L3MBTL2: variants seen among roughly 807,000 people sequenced by gnomAD.
The protein encoded by L3MBTL2 is lethal(3)malignant brain tumor-like protein 2.
In L3MBTL2, 49 loss-of-function variants were observed where a neutral mutation model predicts 86.4. The observed-to-expected ratio is 0.57, with a 90% CI of 0.45 to 0.72. The LOEUF (loss-of-function observed/expected upper bound fraction) is 0.72. Among genes scored for constraint, L3MBTL2 ranks in the 30% least tolerant of loss-of-function variants. The pLI is 0.00. For missense variants in L3MBTL2, 755 were observed against 923.7 expected (o/e 0.82, Z 2.37); for synonymous variants, 336 against 350.6 (o/e 0.96, Z 0.47).
intron 13 of L3MBTL2, among the ~76,000 whole-genome samples, 158 bp downstream of exon 13, chr22:41,226,902 C>T (rs1386944878): frequency 6.6e-6 from 1 of 152,258 alleles, no homozygotes; most frequent in African/African-American, 2.4e-5. Flanking sequence ...CTGGGCACTC[C>T]AGTCCCTCTT....
At chr22:41,216,041 A>T (rs571657118) in intron 3 of L3MBTL2, 98 bp from the exon 4 acceptor site, 1 of 1,348,458 alleles carries the variant, frequency 7.4e-7, no homozygotes, top group Admixed American at 2.4e-5. Flanking sequence ...AAAGAGGTTA[A>T]GTCACTGGCC....
At position 41,227,783 on chromosome 22, in the gene L3MBTL2, A is replaced by G. The variant is rs201317743; in HGVS notation, c.1823-21A>G. ...CAGGGACCCTCTTCTCATCTCTTTC[A>G]CCCTTGTCTTTCAACAACAGAACCG... On this transcript the variant is annotated intron_variant, in intron 14 of 16. Coordinates refer to ENST00000216237, the MANE Select transcript of L3MBTL2 (RefSeq NM_031488.5). This position sits in a 1 kb window ranked among gnomAD's most constrained non-coding sequence, Gnocchi z 6.0. The G allele has an allele frequency of 3.1e-6, 5 of 1,609,948 alleles. No individual in the cohort carries two copies. The highest frequency in any genetic ancestry group is 4.2e-6 in the Non-Finnish European group (5 of 1,178,498).
At chr22:41,212,895 CA>C (rs35911149) in intron 2 of L3MBTL2, among the ~76,000 whole-genome samples, 59,313 of 135,220 alleles carry the variant, frequency 0.44, 12,642 homozygotes, top group African/African-American at 0.57. Context: ...AACTCCATCT[CA>C]AAAAAAAAAA....
At chr22:41,216,023 G>T in intron 3 of L3MBTL2, 116 bp from the exon 4 acceptor site, 1 of 1,164,470 alleles carries the variant, frequency 8.6e-7, no homozygotes. Flanking sequence ...TGAAGAAACT[G>T]AAGCCCAAAA....
Position 41,219,421 on chromosome 22 carries a change from C to G in L3MBTL2, c.603C>G (p.Val201=), listed in dbSNP as rs2031654908. The change falls in exon 6 of 17, where the codon GTC becomes GTG. Residue 201 remains valine (V), a splice_region_variant and synonymous_variant. Coordinates refer to ENST00000216237, the MANE Select transcript of L3MBTL2 (RefSeq NM_031488.5). ...GGTACACTCTCATCGCCACACAGGT[C>G]CCACTCTATGACCAGTGGGAGGATG... ...KAAPVSCFKH[V]PLYDQWEDVM... 1 of 1,610,008 alleles carries G rather than the reference C, an allele frequency of 6.2e-7. No homozygotes were observed. Among genetic ancestry groups the G allele is most frequent in the South Asian group, 1.1e-5 (1 of 90,966 alleles).
chr22:41,216,486 A>G (rs1187485454), intron 4 of L3MBTL2, among the ~76,000 whole-genome samples: 1 of 152,184 alleles, frequency 6.6e-6, no homozygotes, highest in African/African-American at 2.4e-5. Context: ...CCTACCCATG[A>G]TAATTCAAAA....
Position 41,207,467 on chromosome 22 carries a change from C to T in L3MBTL2, c.24+2081C>T, listed in dbSNP as rs190943250. ...TGAACTCCTAGGCTCAAGCAATCCT[C>T]CTGTCTCGGCCTCCCAAAGTGCTGG... On this transcript the variant is annotated intron_variant, in intron 1 of 16. Transcript: ENST00000216237. 4.6e-5 allele frequency among the ~76,000 whole-genome samples: 7 copies of T among 152,108 alleles called. No homozygotes were observed. The East Asian group carries it at 7.7e-4, about 17-fold the overall frequency.
Position 41,217,185 on chromosome 22 carries a change from G to T in L3MBTL2, c.583G>T (p.Val195Phe), listed in dbSNP as rs756220378. ...LKDHSYKAAP[V>F]SCFKHVPLYD... is the part of the protein sequence containing the mutation. ...GGATCACAGTTACAAGGCTGCTCCC[G>T]TCAGCTGTTTCAAGCACGTGAGTGC... The change falls in exon 5 of 17, where the codon GTC becomes TTC. Residue 195 changes from valine (V) to phenylalanine (F), a missense_variant. Coordinates refer to ENST00000216237, the MANE Select transcript of L3MBTL2 (RefSeq NM_031488.5). 6.2e-7 allele frequency: 1 copy of T among 1,613,286 alleles called. No homozygotes were observed. Among genetic ancestry groups the T allele is most frequent in the East Asian group, 2.2e-5 (1 of 44,894 alleles).
chr22:41,226,037 G>C, intron 12 of L3MBTL2, 96 bp downstream of exon 12: 1 of 1,381,310 alleles, frequency 7.2e-7, no homozygotes, highest in Non-Finnish European at 1.0e-6. Flanking sequence ...AGCACTTTGG[G>C]AGGCCGAGGC....
chr22:41,225,755 CATG>C lies in L3MBTL2; in HGVS notation c.1357-36_1357-34del. On this transcript the variant is annotated intron_variant, in intron 11 of 16. Coordinates refer to ENST00000216237, the MANE Select transcript of L3MBTL2 (RefSeq NM_031488.5). This position sits in a 1 kb window ranked among gnomAD's most constrained non-coding sequence, Gnocchi z 4.1. ...TACCAACCCAGGATGGGGTGCAGTT[CATG>C]ATATGATCTGTCTGCCTGCTCCCCC... 6.3e-7 allele frequency: 1 copy of C among 1,587,482 alleles called. No individual in the cohort carries two copies. Among genetic ancestry groups the C allele is most frequent in the South Asian group, 1.1e-5 (1 of 88,702 alleles).
chr22:41,227,860 G>C lies in L3MBTL2; in HGVS notation c.1879G>C (p.Gly627Arg), dbSNP rs1466057266. The C allele has an allele frequency of 6.2e-7, 1 of 1,613,594 alleles. No homozygotes were observed. The highest frequency in any genetic ancestry group is 1.1e-5 in the South Asian group (1 of 90,970). Residue 627 changes from glycine to arginine, a missense_variant, in exon 15 of 17, where the codon GGG becomes CGG. By Grantham distance (125) the Gly-to-Arg change is moderately radical. This residue lies in a region of L3MBTL2 where 634 missense variants were observed against 748.9 expected (regional missense o/e 0.85). Coordinates refer to ENST00000216237, the MANE Select transcript of L3MBTL2 (RefSeq NM_031488.5). The surrounding 1 kb of genome is among the most constrained non-coding windows in gnomAD (Gnocchi z 6.0). ...CACAAAGAAGAAAAAGAAACAGTTT[G>C]GGAAGAAAAGTAAGTGCTGCACCGG... is the stretch of plus-strand genomic sequence containing the variant. Reference protein sequence around the residue: ...EATKKKKKQFGKKRKRIPPTK... With the variant: ...EATKKKKKQFRKKRKRIPPTK...
intron 1 of L3MBTL2, 132 bp from the exon 2 acceptor site, chr22:41,209,564 G>T: frequency 1.4e-6 from 1 of 707,156 alleles, no homozygotes; most frequent in Non-Finnish European, 2.5e-6. Flanking sequence ...TAATGATCTT[G>T]GTGTTTGTAA....
chr22:41,223,686 C>T (rs1226688083), intron 8 of L3MBTL2, among the ~76,000 whole-genome samples: 3 of 152,218 alleles, frequency 2.0e-5, no homozygotes, highest in Non-Finnish European at 4.4e-5. Context: ...TCTGGGCAGG[C>T]GTGACCTCTG....
chr22:41,223,299 G>A (rs1037116604), intron 8 of L3MBTL2, among the ~76,000 whole-genome samples: 5 of 152,216 alleles, frequency 3.3e-5, no homozygotes, highest in Non-Finnish European at 5.9e-5. Context: ...GGCTGGAAAA[G>A]CCCTACACCC....
intron 2 of L3MBTL2, among the ~76,000 whole-genome samples, chr22:41,212,613 GGGCCA>G (rs2030975630): frequency 2.0e-5 from 3 of 151,964 alleles, no homozygotes; most frequent in Admixed American, 1.3e-4. Context: ...GTGAAGTCAC[GGGCCA>G]GGCATGGTGG....
intron 1 of L3MBTL2, among the ~76,000 whole-genome samples, chr22:41,207,236 CTTTT>C (rs753351369): frequency 1.7e-5 from 2 of 120,498 alleles, no homozygotes; most frequent in Non-Finnish European, 3.4e-5. Context: ...CCCCCAAATC[CTTTT>C]TTTTTTTTTT....
In L3MBTL2 at chr22:41,224,081, C is replaced by G; in HGVS notation, c.1004C>G (p.Ser335Cys). The G allele has an allele frequency of 1.9e-6, 3 of 1,614,170 alleles. No homozygotes were observed. The highest frequency in any genetic ancestry group is 2.5e-6 in the Non-Finnish European group (3 of 1,180,026). The change falls in exon 9 of 17, where the codon TCC becomes TGC. Residue 335 changes from serine (S) to cysteine (C), a missense_variant. By Grantham distance (112) the Ser-to-Cys change is moderately radical (BLOSUM62 -1). This residue lies in a region of L3MBTL2 where 634 missense variants were observed against 748.9 expected (regional missense o/e 0.85). Coordinates refer to ENST00000216237, the MANE Select transcript of L3MBTL2 (RefSeq NM_031488.5). The surrounding 1 kb of genome is among the most constrained non-coding windows in gnomAD (Gnocchi z 4.9). Reference sequence around the variant, plus strand: ...ATGCGGCTGGAAGTGGTGGACAAGTCCCAGGTGTCACGCACTCGCATGGCT... The same window carrying G: ...ATGCGGCTGGAAGTGGTGGACAAGTGCCAGGTGTCACGCACTCGCATGGCT... ...QGMRLEVVDK[S>C]QVSRTRMAVV...
intron 2 of L3MBTL2, among the ~76,000 whole-genome samples, chr22:41,212,099 C>T (rs1423755591): frequency 1.4e-5 from 2 of 144,610 alleles, no homozygotes; most frequent in Admixed American, 6.9e-5. Flanking sequence ...CTCCTGACTA[C>T]GTGATCCGCC....
At position 41,209,775 on chromosome 22, in the gene L3MBTL2, G is replaced by T; in HGVS notation, c.104G>T (p.Ser35Ile). 2 of 1,614,202 alleles carry T rather than the reference G, an allele frequency of 1.2e-6. No individual in the cohort carries two copies. The highest frequency in any genetic ancestry group is 1.7e-6 in the Non-Finnish European group (2 of 1,180,034). ...ELFGGYDSFR[S>I]YNSSVGSESS... ...TTTGGTGGCTATGATAGTTTCCGGA[G>T]TTATAACAGCAGTGTGGGCAGTGAG... Residue 35 changes from serine (S) to isoleucine (I), a missense_variant, in exon 2 of 17, where the codon AGT (serine) becomes ATT (isoleucine). By Grantham distance (142) the Ser-to-Ile change is moderately radical (BLOSUM62 -2). Around this residue, in one of 3 missense-constraint regions of L3MBTL2, gnomAD observed 103 missense variants for 105.2 expected, o/e 0.98. Coordinates refer to ENST00000216237, the MANE Select transcript of L3MBTL2 (RefSeq NM_031488.5).
Sources: allele counts gnomAD v4.1 joint callset (sites outside exome capture counted in the v4.1 genomes callset), GRCh38; gene constraint gnomAD v4.1.1; regional missense constraint gnomAD v4.1.1; non-coding constraint Gnocchi (gnomAD v3.1); transcripts MANE v1.5; gene names NCBI Gene and HGNC (gene_info 2026-07-23, HGNC 2026-07-21).